The following AVEN variants were observed in gnomAD, a reference collection of about 807,000 sequenced individuals.
AVEN encodes apoptosis and caspase activation inhibitor, also known as cell death regulator Aven.
In AVEN, 41 loss-of-function variants were observed where a neutral mutation model predicts 38.1. The observed-to-expected ratio is 1.08, with a 90% CI of 0.84 to 1.40. The LOEUF is 1.40. Ranked by LOEUF, AVEN falls within the 40% of genes most tolerant of loss-of-function variation. AVEN has a pLI of 0.00. For synonymous variants in AVEN, 206 were observed against 171.8 expected, an observed-to-expected ratio of 1.20 and a Z score of -1.56; for missense variants, 605 against 438.8, an observed-to-expected ratio of 1.38 and a Z score of -3.38.
At chr15:33,868,548 A>AG (rs1289839157) in intron 4 of AVEN, among the ~76,000 whole-genome samples, 4 of 136,742 alleles carry the variant, frequency 2.9e-5, no homozygotes, top group African/African-American at 1.3e-4. Context: ...CCGTCTCAAA[A>AG]AAAAAAAAAA....
At chr15:33,910,074 G>C (rs964285963) in intron 2 of AVEN, among the ~76,000 whole-genome samples, 10 of 150,780 alleles carry the variant, frequency 6.6e-5, no homozygotes, top group Admixed American at 6.6e-4. Flanking sequence ...GTTGCAGTGA[G>C]CTGAGATCGC....
chr15:33,861,331 C>T (rs531257801), downstream of AVEN, among the ~76,000 whole-genome samples: 1 of 152,288 alleles, frequency 6.6e-6, no homozygotes, highest in South Asian at 2.1e-4. Context: ...GACTCTGTCT[C>T]TCCCATGTGT....
At chr15:34,065,659 TTGACA>T (rs1900491165) in intron 4 of AVEN, 1 of 152,090 alleles carries the variant, frequency 6.6e-6, no homozygotes, top group East Asian at 1.9e-4. Flanking sequence ...AATAAAACAG[TTGACA>T]TGCATGACAG....
At chr15:33,914,097 C>G (rs1893023808) in intron 2 of AVEN, among the ~76,000 whole-genome samples, 1 of 152,050 alleles carries the variant, frequency 6.6e-6, no homozygotes, top group Non-Finnish European at 1.5e-5. Flanking sequence ...ATAGAAGGTG[C>G]TTACATTTGA....
At chr15:34,017,486 T>TG (rs1897974580) in intron 1 of AVEN, among the ~76,000 whole-genome samples, 9 of 67,348 alleles carry the variant, frequency 1.3e-4, no homozygotes, top group Admixed American at 5.8e-4. Context: ...TTTTTTTTGT[T>TG]TTTTTTTTTT....
chr15:33,916,285 G>A (rs1440022324), intron 2 of AVEN, among the ~76,000 whole-genome samples: 1 of 152,116 alleles, frequency 6.6e-6, no homozygotes, highest in Non-Finnish European at 1.5e-5. Context: ...TCACTCCTCT[G>A]CCACCTCTAC....
At chr15:33,937,833 T>C (rs1894146836) in intron 2 of AVEN, among the ~76,000 whole-genome samples, 1 of 150,098 alleles carries the variant, frequency 6.7e-6, no homozygotes, top group African/African-American at 2.4e-5. Flanking sequence ...ATCATAGACT[T>C]CCAGTCTCCA....
intron 2 of AVEN, among the ~76,000 whole-genome samples, chr15:33,954,450 C>T (rs780119143): frequency 1.4e-4 from 22 of 152,160 alleles, no homozygotes; most frequent in Non-Finnish European, 2.8e-4. Context: ...GGCACATATA[C>T]ATCATGGAAT....
intron 2 of AVEN, among the ~76,000 whole-genome samples, chr15:33,942,622 T>C (rs965743604): frequency 1.3e-5 from 2 of 152,038 alleles, no homozygotes; most frequent in Non-Finnish European, 2.9e-5. Context: ...GGCTAATATT[T>C]TTGTATTTTT....
downstream of AVEN, chr15:33,865,276 ATAAAGTCCCCTTTT>A (rs1047660736): frequency 3.7e-6 from 5 of 1,336,376 alleles, no homozygotes; most frequent in African/African-American, 2.9e-5. Context: ...TTCCCATGAA[ATAAAGTCCCCTTTT>A]TACAGTTCTG....
At chr15:33,865,309 C>G, downstream of AVEN, 1 of 903,718 alleles carries the variant, frequency 1.1e-6, no homozygotes, top group Non-Finnish European at 1.7e-6. Context: ...TGCAACATAT[C>G]TGAAATGTGA....
rs564293800 is a variant in AVEN, at chr15:33,936,511, T to C, written c.446-60516A>G. ...GAACAGAATAAATAAATGGGGAAAT[T>C]TGCCATGATCATGGCTGAGAAAACA... On this transcript the variant is annotated intron_variant, in intron 2 of 5. Transcript: ENST00000306730. 2.0e-5 allele frequency among the ~76,000 whole-genome samples: 3 copies of C among 152,328 alleles called. No homozygotes were observed. In the East Asian group the frequency reaches 5.8e-4, roughly 29 times the overall value.
intron 2 of AVEN, among the ~76,000 whole-genome samples, chr15:33,957,090 A>G (rs1381569907): frequency 6.6e-6 from 1 of 152,218 alleles, no homozygotes; most frequent in East Asian, 1.9e-4. Context: ...AATTTGTTTT[A>G]CCTGTGAGCT....
chr15:33,903,756 G>A (rs1892578531), intron 2 of AVEN, among the ~76,000 whole-genome samples: 1 of 127,626 alleles, frequency 7.8e-6, no homozygotes, highest in South Asian at 2.4e-4. Flanking sequence ...AATATATATT[G>A]TATATGTGTA....
intron 5 of AVEN, among the ~76,000 whole-genome samples, chr15:34,049,703 A>G (rs1205707856): frequency 1.3e-5 from 2 of 152,098 alleles, no homozygotes; most frequent in East Asian, 3.9e-4. Context: ...GATACTCCAC[A>G]AGAAGATCAA....
At chr15:33,908,671 G>A (rs574291786) in intron 2 of AVEN, among the ~76,000 whole-genome samples, 2 of 151,954 alleles carry the variant, frequency 1.3e-5, no homozygotes, top group South Asian at 4.2e-4. Context: ...GCATGTTTCC[G>A]AATTTCCTTT....
chr15:34,032,222 C>A (rs1898886819), intron 1 of AVEN, among the ~76,000 whole-genome samples: 1 of 152,130 alleles, frequency 6.6e-6, no homozygotes, highest in Non-Finnish European at 1.5e-5. Flanking sequence ...TTTGCAACCA[C>A]CTAATTTCTA....
intron 2 of AVEN, among the ~76,000 whole-genome samples, chr15:33,900,660 CA>C (rs1892457160): frequency 6.6e-6 from 1 of 151,526 alleles, no homozygotes; most frequent in African/African-American, 2.4e-5. Flanking sequence ...CAAAATAGGT[CA>C]AGTAAAATAT....
chr15:34,016,866 C>T (rs550317980), intron 1 of AVEN, among the ~76,000 whole-genome samples: 6 of 152,230 alleles, frequency 3.9e-5, no homozygotes, highest in East Asian at 1.9e-4. Flanking sequence ...TGGTGGCACA[C>T]GCCTGTAATT....
Sources: gnomAD v4.1 joint callset for allele counts (sites outside exome capture counted in the v4.1 genomes callset) on GRCh38, gnomAD v4.1.1 for gene constraint, MANE v1.5 for transcripts, NCBI Gene and HGNC (gene_info 2026-07-23, HGNC 2026-07-21) for gene names.